Variants in EHHADH observed in about 807,000 individuals in gnomAD.
EHHADH encodes peroxisomal bifunctional enzyme.
EHHADH carries 48 observed loss-of-function variants against 64.4 expected under a neutral mutation model. The observed-to-expected ratio is 0.75, with a 90% CI of 0.59 to 0.95. EHHADH has a LOEUF of 0.95. Ranked by LOEUF, EHHADH falls within the 40% of genes least tolerant of loss-of-function variation. The probability of loss-of-function intolerance (pLI) is 0.00; values close to 1 mark genes in which losing one functional copy is unlikely to be tolerated. For synonymous variants in EHHADH, 308 were observed against 326.7 expected, an observed-to-expected ratio of 0.94 and a Z score of 0.62; for missense variants, 854 against 876.6, an observed-to-expected ratio of 0.97 and a Z score of 0.33.
intron 1 of EHHADH, among the ~76,000 whole-genome samples, chr3:185,252,783 C>T (rs1719784579): frequency 1.3e-5 from 2 of 152,282 alleles, no homozygotes; most frequent in South Asian, 2.1e-4. Flanking sequence ...CAGGTCTTCT[C>T]ATTTCAGTCT....
rs1717886139 is a variant in EHHADH, at chr3:185,192,099, T to TTAGA, written c.*126_*127insTCTA. ...ACCATTAGAGTCGTTACACAGAAGA[T>TTAGA]TCTAATGATTATTTATTTTGCTTTG... On this transcript the variant is annotated 3_prime_UTR_variant, in exon 7 of 7. Coordinates refer to ENST00000231887, the MANE Select transcript of EHHADH (RefSeq NM_001966.4). The TTAGA allele has an allele frequency of 8.9e-7, 1 of 1,121,944 alleles. No individual in the cohort carries two copies. Among genetic ancestry groups the TTAGA allele is most frequent in the Non-Finnish European group, 1.3e-6 (1 of 789,238 alleles). 69.5% of individuals were successfully genotyped at this position (1,121,944 alleles called of 1,614,324 possible).
rs755706394 is a variant in EHHADH at position 185,192,519 on chromosome 3, G to A, written c.1879C>T (p.Leu627Phe). 2.0e-5 allele frequency: 33 copies of A among 1,614,094 alleles called. No homozygotes were observed. The Admixed American group carries it at 3.7e-4, about 18-fold the overall frequency. Residue 627 changes from leucine to phenylalanine, a missense_variant, in exon 7 of 7, where the codon CTT (leucine) becomes TTT (phenylalanine). Coordinates refer to ENST00000231887, the MANE Select transcript of EHHADH (RefSeq NM_001966.4). ...AAGATACGGAATGCTTCATTGATAA[G>A]TGAATATAAGCAGCGTTCAAGGATC... The part of the protein sequence containing the change: ...DEILERCLYS[L>F]INEAFRILGE...
At chr3:185,247,606 T>C (rs1035886377) in intron 2 of EHHADH, among the ~76,000 whole-genome samples, 1 of 152,090 alleles carries the variant, frequency 6.6e-6, no homozygotes, top group African/African-American at 2.4e-5. Context: ...GCAAGATAAA[T>C]GGTAATATTA....
Position 185,246,790 on chromosome 3 carries a change from T to C in EHHADH, c.178+1624A>G, listed in dbSNP as rs141205551. 4.8e-3 allele frequency among the ~76,000 whole-genome samples: 737 copies of C among 152,300 alleles called. 10 individuals carry two copies. The highest frequency in any genetic ancestry group is 0.016 in the African/African-American group (682 of 41,570). On this transcript the variant is annotated intron_variant, in intron 2 of 6. Transcript: ENST00000231887. ...CTTTCTTCTACTTGATTAGGGTGTATTTTACGGTTAGTTTGTCAGTTCCTT... is the reference window on the plus strand; with the variant it reads ...CTTTCTTCTACTTGATTAGGGTGTACTTTACGGTTAGTTTGTCAGTTCCTT...
chr3:185,221,284 T>G (rs767593909), intron 4 of EHHADH, among the ~76,000 whole-genome samples: 1 of 152,234 alleles, frequency 6.6e-6, no homozygotes, highest in Non-Finnish European at 1.5e-5. Context: ...CTTTGCTTCC[T>G]ATTTTGTCTT....
rs1321406070 is a variant in EHHADH, at chr3:185,210,592, GC to G, written c.569-5836del. On this transcript the variant is annotated intron_variant, in intron 5 of 6. Coordinates refer to ENST00000231887, the MANE Select transcript of EHHADH (RefSeq NM_001966.4). The stretch of plus-strand genomic sequence containing the variant: ...AGAGGTTGCAGTGAGCCGAGATTGT[GC>G]CACTGCACTCCAGCCTGGGCGACAG... Among the ~76,000 whole-genome samples the G allele has an allele frequency of 2.0e-5, 3 of 149,992 alleles. No individual in the cohort carries two copies. The East Asian group carries it at 5.9e-4, about 29-fold the overall frequency.
chr3:185,204,720 TG>T lies in EHHADH; in HGVS notation c.605del (p.Pro202GlnfsTer17), dbSNP rs1216721280. 1 of 1,613,380 alleles carries T rather than the reference TG, an allele frequency of 6.2e-7. No individual in the cohort carries two copies. The highest frequency in any genetic ancestry group is 1.3e-5 in the African/African-American group (1 of 74,926). ...PLESRRLCNK[P>X]IQSLPNMDSI... ...TGTCCATGTTGGGCAAGCTCTGAAT[TG>T]GCTTGTTGCAGAGTCTACGGGATTC... On this transcript the variant is annotated frameshift_variant, in exon 6 of 7. Transcript: ENST00000231887. LOFTEE classifies it high-confidence loss of function.
intron 6 of EHHADH, among the ~76,000 whole-genome samples, chr3:185,200,178 C>T (rs1718186245): frequency 6.6e-6 from 1 of 152,154 alleles, no homozygotes; most frequent in Non-Finnish European, 1.5e-5. Flanking sequence ...CTAACCAGCC[C>T]ACTGTGGATG....
chr3:185,234,963 C>T (rs1560018957), intron 3 of EHHADH, among the ~76,000 whole-genome samples: 1 of 152,086 alleles, frequency 6.6e-6, no homozygotes, highest in Non-Finnish European at 1.5e-5. Flanking sequence ...TGGGTGGTCA[C>T]CTGAGGTCAG....
At chr3:185,226,488 A>C (rs368053616) in intron 4 of EHHADH, among the ~76,000 whole-genome samples, 3 of 152,240 alleles carry the variant, frequency 2.0e-5, no homozygotes, top group East Asian at 3.9e-4. Context: ...GTCTCTACTA[A>C]TAATACAAAA....
chr3:185,242,205 A>G (rs951694834), intron 2 of EHHADH, among the ~76,000 whole-genome samples: 5 of 152,240 alleles, frequency 3.3e-5, no homozygotes, highest in African/African-American at 1.2e-4. Context: ...ATGCTCATGG[A>G]TGGGTAGAAT....
chr3:185,238,352 T>C (rs908078669), intron 2 of EHHADH, among the ~76,000 whole-genome samples: 8 of 152,202 alleles, frequency 5.3e-5, no homozygotes, highest in African/African-American at 1.4e-4. Context: ...TCCATAAAGG[T>C]TGTACTAATT....
At position 185,191,354 on chromosome 3, in the gene EHHADH, T is replaced by C. The variant is rs1250995280; in HGVS notation, c.*872A>G. On this transcript the variant is annotated 3_prime_UTR_variant, in exon 7 of 7. Coordinates refer to ENST00000231887, the MANE Select transcript of EHHADH (RefSeq NM_001966.4). ...TAGTTCATAGACATTTGGGTTGTAT[T>C]CAGCTTTTGGCCATTATGAATAATT... 2 of 152,244 alleles carry C rather than the reference T, an allele frequency of 1.3e-5. No individual in the cohort carries two copies. The highest frequency in any genetic ancestry group is 2.9e-5 in the Non-Finnish European group (2 of 68,048). The allele number at this position is 152,244 out of a possible 1,614,324, so 9.4% of individuals were successfully genotyped here.
chr3:185,215,966 T>G (rs990187298), intron 5 of EHHADH, among the ~76,000 whole-genome samples: 12 of 152,148 alleles, frequency 7.9e-5, no homozygotes, highest in African/African-American at 2.9e-4. Flanking sequence ...GTTTTCATGA[T>G]TATAATTTAA....
At chr3:185,193,566 T>G (rs1717975891) in intron 6 of EHHADH, 79 bp from the exon 7 acceptor site, 1 of 1,497,278 alleles carries the variant, frequency 6.7e-7, no homozygotes, top group African/African-American at 1.4e-5. Context: ...GATGGAAGGC[T>G]TATGTGACAA....
chr3:185,234,051 C>T (rs1719215715), intron 3 of EHHADH, among the ~76,000 whole-genome samples: 1 of 152,230 alleles, frequency 6.6e-6, no homozygotes, highest in East Asian at 1.9e-4. Flanking sequence ...GTGGTTATTT[C>T]TGAACTGTGA....
intron 4 of EHHADH, among the ~76,000 whole-genome samples, chr3:185,221,932 A>G (rs1013348020): frequency 1.3e-5 from 2 of 152,062 alleles, no homozygotes; most frequent in Non-Finnish European, 2.9e-5. Flanking sequence ...CATGGTTTCT[A>G]TACGGATTTC....
intron 3 of EHHADH, among the ~76,000 whole-genome samples, chr3:185,233,721 C>T (rs1485978098): frequency 6.6e-6 from 1 of 152,248 alleles, no homozygotes; most frequent in Non-Finnish European, 1.5e-5. Context: ...TCTCAGCTTA[C>T]TGCAACCTCC....
chr3:185,213,405 A>G (rs1486015652), intron 5 of EHHADH, among the ~76,000 whole-genome samples: 3 of 152,170 alleles, frequency 2.0e-5, no homozygotes, highest in Middle Eastern at 3.2e-3. Context: ...TTTGATGCAC[A>G]GTGAAGTTTG....
Sources: allele counts gnomAD v4.1 joint callset (sites outside exome capture counted in the v4.1 genomes callset), GRCh38; gene constraint gnomAD v4.1.1; transcripts MANE v1.5; gene names NCBI Gene and HGNC (gene_info 2026-07-23, HGNC 2026-07-21).